ENO1: variants seen among roughly 807,000 people sequenced by gnomAD.
ENO1 encodes alpha-enolase.
A neutral mutation model predicts 46.3 loss-of-function variants in ENO1; 33 were observed. That is an observed-to-expected ratio of 0.71 (90% confidence interval 0.54 to 0.95). The LOEUF (loss-of-function observed/expected upper bound fraction) is 0.95, where lower values mean the gene tolerates loss of function less well. ENO1 is among the 40% of genes least tolerant of loss of function. The pLI is 0.00. For synonymous variants in ENO1, 220 were observed against 216.0 expected, an observed-to-expected ratio of 1.02 and a Z score of -0.16; for missense variants, 488 against 553.3, an observed-to-expected ratio of 0.88 and a Z score of 1.18.
chr1:8,872,104 A>C, intron 2 of ENO1, 118 bp from the exon 3 acceptor site: 1 of 797,248 alleles, frequency 1.3e-6, no homozygotes, highest in Admixed American at 2.2e-5. Context: ...TCCTCCTACC[A>C]GCTGTGTGAA....
chr1:8,867,395 T>C, intron 5 of ENO1, 145 bp from the exon 6 acceptor site: 2 of 1,198,392 alleles, frequency 1.7e-6, no homozygotes, highest in African/African-American at 3.0e-5. Context: ...ACAAATAGCA[T>C]TCTATGTGGA....
chr1:8,871,632 C>T, intron 3 of ENO1: 1 of 1,281,080 alleles, frequency 7.8e-7, no homozygotes, highest in Non-Finnish European at 9.9e-7. Context: ...GAGTATTTCG[C>T]AGATTGGGAA....
At chr1:8,863,141 T>C in intron 10 of ENO1, 94 bp downstream of exon 10, 1 of 1,467,888 alleles carries the variant, frequency 6.8e-7, no homozygotes, top group Non-Finnish European at 9.3e-7. Flanking sequence ...TCAGGGGACA[T>C]GAGCAAAACG....
Position 8,864,550 on chromosome 1 carries a change from C to T in ENO1, c.866-458G>A, listed in dbSNP as rs568701086. 2.3e-4 allele frequency among the ~76,000 whole-genome samples: 35 copies of T among 152,236 alleles called. No individual in the cohort carries two copies. In the South Asian group the frequency reaches 7.2e-3, roughly 32 times the overall value. On this transcript the variant is annotated intron_variant, in intron 8 of 11. Coordinates refer to ENST00000234590, the MANE Select transcript of ENO1 (RefSeq NM_001428.5). ...TCAAACTCCTGGGCTCAAGTGATGC[C>T]GTTTCAGCCTCTCCAAGTGCTAGGA...
Position 8,878,615 on chromosome 1 carries a change from G to T in ENO1, c.-45C>A, listed in dbSNP as rs11544506. 1.1e-5 allele frequency: 5 copies of T among 455,960 alleles called. No individual in the cohort carries two copies. The East Asian group carries it at 2.8e-4, about 25-fold the overall frequency. 28.2% of individuals were successfully genotyped at this position (455,960 alleles called of 1,614,324 possible). On this transcript the variant is annotated 5_prime_UTR_variant, in exon 1 of 12. Coordinates refer to ENST00000234590, the MANE Select transcript of ENO1 (RefSeq NM_001428.5). ...GGTCTCGTCGCCTAGGAGAGGAAGC[G>T]GAGGGTGCTGCAGACACCGAGGTGA...
At chr1:8,866,105 GTAAAA>G (rs1642508234) in intron 7 of ENO1, 169 bp downstream of exon 7, 5 of 514,812 alleles carry the variant, frequency 9.7e-6, no homozygotes, top group Admixed American at 3.6e-5. Context: ...AAAAAAATAA[GTAAAA>G]TAAAATGAAG....
Position 8,865,336 on chromosome 1 carries a change from A to G in ENO1, c.814T>C (p.Ser272Pro), listed in dbSNP as rs1354424562. ...KSPDDPSRYI[S>P]PDQLADLYKS... ...TACAGGTCAGCCAGCTGGTCAGGCG[A>G]GATGTACCTGCTGGGGTCATCGGGA... The change falls in exon 8 of 12, where the codon TCG (serine) becomes CCG (proline). Residue 272 changes from serine (S) to proline (P), a missense_variant. By Grantham distance (74) the Ser-to-Pro change is moderately conservative. Transcript: ENST00000234590. The G allele has an allele frequency of 2.5e-6, 4 of 1,614,186 alleles. No individual in the cohort carries two copies. Among genetic ancestry groups the G allele is most frequent in the Non-Finnish European group, 3.4e-6 (4 of 1,180,032 alleles).
In ENO1 at chr1:8,868,195, G is replaced by A; in HGVS notation, c.241-138C>T. 8 of 725,210 alleles carry A rather than the reference G, an allele frequency of 1.1e-5. No individual in the cohort carries two copies. The South Asian group carries it at 1.4e-4, about 13-fold the overall frequency. 44.9% of individuals were successfully genotyped at this position (725,210 alleles called of 1,614,324 possible). ...GATGTTTGTTTTATAAGCAAAAAAAGTGGAGGACAAAAATCAGTGGGGAGA... is the reference window on the plus strand; with the variant it reads ...GATGTTTGTTTTATAAGCAAAAAAAATGGAGGACAAAAATCAGTGGGGAGA... On this transcript the variant is annotated intron_variant, in intron 4 of 11. Coordinates refer to ENST00000234590, the MANE Select transcript of ENO1 (RefSeq NM_001428.5).
At chr1:8,876,307 G>T (rs1230607694) in intron 1 of ENO1, 2 of 152,160 alleles carry the variant, frequency 1.3e-5, no homozygotes, top group East Asian at 3.8e-4. Context: ...TGTTGTCTAT[G>T]TAACAATGGA....
chr1:8,871,163 G>T, intron 3 of ENO1: 2 of 1,109,570 alleles, frequency 1.8e-6, no homozygotes, highest in East Asian at 5.1e-5. Flanking sequence ...ATTAAAGCGG[G>T]ACTGAACACC....
At chr1:8,877,865 A>G (rs1378476439) in intron 1 of ENO1, 1 of 127,304 alleles carries the variant, frequency 7.9e-6, no homozygotes, top group Non-Finnish European at 1.7e-5. Flanking sequence ...CTGGGCAACA[A>G]TAGCAAAACT....
intron 9 of ENO1, 74 bp downstream of exon 9, chr1:8,863,817 C>G: frequency 6.6e-7 from 1 of 1,523,780 alleles, no homozygotes; most frequent in Admixed American, 1.7e-5. Flanking sequence ...TTCCCCATCA[C>G]CAGAACAAAA....
chr1:8,868,784 C>T (rs1312545249), intron 4 of ENO1, among the ~76,000 whole-genome samples: 1 of 152,160 alleles, frequency 6.6e-6, no homozygotes, highest in East Asian at 1.9e-4. Flanking sequence ...CTCGTGGGCT[C>T]AAATGATCCT....
intron 2 of ENO1, among the ~76,000 whole-genome samples, chr1:8,872,296 A>G (rs1642649504): frequency 6.6e-6 from 1 of 152,132 alleles, no homozygotes; most frequent in Non-Finnish European, 1.5e-5. Flanking sequence ...ATCCCTCACA[A>G]GCTCGCATTG....
At chr1:8,872,105 G>T in intron 2 of ENO1, 119 bp from the exon 3 acceptor site, 1 of 796,418 alleles carries the variant, frequency 1.3e-6, no homozygotes, top group Non-Finnish European at 2.1e-6. Context: ...CCTCCTACCA[G>T]CTGTGTGAAT....
At chr1:8,871,140 T>G in intron 3 of ENO1, 7 of 1,150,798 alleles carry the variant, frequency 6.1e-6, no homozygotes, top group Non-Finnish European at 7.5e-6. Context: ...GTGTGTAGAG[T>G]GCTTCTTACA....
intron 4 of ENO1, 27 bp downstream of exon 4, chr1:8,870,425 C>T (rs754986062): frequency 6.2e-7 from 1 of 1,614,144 alleles, no homozygotes; most frequent in South Asian, 1.1e-5. Flanking sequence ...GCATTAGACA[C>T]ATTAGTTATC....
intron 2 of ENO1, among the ~76,000 whole-genome samples, chr1:8,872,440 T>C (rs534483098): frequency 6.7e-6 from 1 of 149,664 alleles, no homozygotes; most frequent in East Asian, 1.9e-4. Flanking sequence ...CTAGAGTGTA[T>C]GGCGTGATCT....
chr1:8,870,631 C>T, intron 3 of ENO1, 121 bp from the exon 4 acceptor site: 2 of 1,525,400 alleles, frequency 1.3e-6, no homozygotes, highest in Non-Finnish European at 1.8e-6. Context: ...TTCTGTGGGA[C>T]CTCTTCCCCC....
Sources: allele counts gnomAD v4.1 joint callset (sites outside exome capture counted in the v4.1 genomes callset), GRCh38; gene constraint gnomAD v4.1.1; transcripts MANE v1.5; gene names NCBI Gene and HGNC (gene_info 2026-07-23, HGNC 2026-07-21).